The following PSTPIP2 variants were observed in gnomAD, a reference collection of about 807,000 sequenced individuals.
PSTPIP2 encodes the protein proline-serine-threonine phosphatase interacting protein 2, also known as proline-serine-threonine phosphatase-interacting protein 2.
A neutral mutation model predicts 63.3 loss-of-function variants in PSTPIP2; 33 were observed. The ratio of observed to expected loss-of-function variants is 0.52; its 90% confidence interval spans 0.40 to 0.70. The LOEUF (loss-of-function observed/expected upper bound fraction) is 0.70. Among genes scored for constraint, PSTPIP2 ranks in the 30% least tolerant of loss-of-function variants. PSTPIP2 has a pLI of 0.00. For synonymous variants in PSTPIP2, 125 were observed against 132.7 expected, an observed-to-expected ratio of 0.94 and a Z score of 0.40; for missense variants, 312 against 400.7, an observed-to-expected ratio of 0.78 and a Z score of 1.89.
chr18:46,058,156 T>G (rs915483879), intron 1 of PSTPIP2, among the ~76,000 whole-genome samples: 3 of 152,056 alleles, frequency 2.0e-5, no homozygotes, highest in Non-Finnish European at 4.4e-5. Flanking sequence ...CTTCAACATC[T>G]CATGTAGACA....
At chr18:46,000,714 G>A (rs902983546) in intron 6 of PSTPIP2, among the ~76,000 whole-genome samples, 5 of 152,208 alleles carry the variant, frequency 3.3e-5, no homozygotes, top group African/African-American at 4.8e-5. Context: ...TAGTTTAAAC[G>A]TAGGCCATGG....
chr18:46,069,777 C>T (rs1050638729), intron 1 of PSTPIP2, among the ~76,000 whole-genome samples: 2 of 152,222 alleles, frequency 1.3e-5, no homozygotes, highest in Non-Finnish European at 2.9e-5. Flanking sequence ...CCTGTGATAG[C>T]TCTTTCCTGG....
chr18:46,031,349 A>T (rs955921852), intron 2 of PSTPIP2, among the ~76,000 whole-genome samples: 13 of 152,164 alleles, frequency 8.5e-5, no homozygotes, highest in Non-Finnish European at 1.8e-4. Flanking sequence ...CTCTGAGACC[A>T]TGCAAGTGAT....
chr18:46,029,594 CA>C lies in PSTPIP2; in HGVS notation c.135-4909del, dbSNP rs1294714391. ...TGTCTCGAAGGAACAAACCCAAAGC[CA>C]ATGAAAGCTATAATGAACTTGGTTA... On this transcript the variant is annotated intron_variant, in intron 2 of 14. Coordinates refer to ENST00000409746, the MANE Select transcript of PSTPIP2 (RefSeq NM_024430.4). 3 of 773,186 alleles carry C rather than the reference CA, an allele frequency of 3.9e-6. No homozygotes were observed. The East Asian group carries it at 7.3e-5, about 19-fold the overall frequency. 47.9% of individuals were successfully genotyped at this position (773,186 alleles called of 1,614,324 possible).
In PSTPIP2 at chr18:46,071,298, G is replaced by A. The variant is rs537379264; in HGVS notation, c.33+858C>T. 7.2e-5 allele frequency among the ~76,000 whole-genome samples: 11 copies of A among 152,302 alleles called. No homozygotes were observed. The South Asian group carries it at 2.1e-3, about 29-fold the overall frequency. On this transcript the variant is annotated intron_variant, in intron 1 of 14. Transcript: ENST00000409746. ...CTTGGCAGCTGCGGTCAACTTTGAG[G>A]TTTGCAGCCTCCTGCTCCTGTCTTA...
At chr18:46,047,886 A>G (rs1599740072) in intron 1 of PSTPIP2, among the ~76,000 whole-genome samples, 1 of 152,214 alleles carries the variant, frequency 6.6e-6, no homozygotes, top group Admixed American at 6.5e-5. Flanking sequence ...TGGTTTCAAA[A>G]TATTTCCCCT....
At chr18:45,988,583 C>A (rs2051491338) in intron 14 of PSTPIP2, 119 bp downstream of exon 14, 2 of 836,270 alleles carry the variant, frequency 2.4e-6, no homozygotes, top group Non-Finnish European at 3.9e-6. Context: ...GGCCAGTGTA[C>A]CTGCCTCATG....
At position 46,068,549 on chromosome 18, in the gene PSTPIP2, C is replaced by T. The variant is rs569559164; in HGVS notation, c.33+3607G>A. On this transcript the variant is annotated intron_variant, in intron 1 of 14. Transcript: ENST00000409746. ...TCCTGACCTCGTGATCCACCCGTCT[C>T]AGCCTCCCAAAGTGCTGGGATTACA... 3.6e-3 allele frequency among the ~76,000 whole-genome samples: 551 copies of T among 151,826 alleles called. 7 individuals carry two copies. Among genetic ancestry groups the T allele is most frequent in the East Asian group, 0.028 (140 of 4,996 alleles).
intron 2 of PSTPIP2, among the ~76,000 whole-genome samples, chr18:46,033,740 C>G (rs949284819): frequency 1.4e-5 from 2 of 147,844 alleles, no homozygotes; most frequent in Non-Finnish European, 3.0e-5. Flanking sequence ...CACAGGGGAA[C>G]AACACCACAG....
intron 3 of PSTPIP2, among the ~76,000 whole-genome samples, chr18:46,024,295 G>C (rs1465224764): frequency 6.6e-6 from 1 of 151,922 alleles, no homozygotes; most frequent in Non-Finnish European, 1.5e-5. Context: ...GGGCCACCAT[G>C]CCTGGCTAAT....
intron 1 of PSTPIP2, among the ~76,000 whole-genome samples, chr18:46,068,559 A>C (rs1909275988): frequency 6.6e-6 from 1 of 151,344 alleles, no homozygotes; most frequent in Non-Finnish European, 1.5e-5. Flanking sequence ...CAGCCTCCCA[A>C]AGTGCTGGGA....
At chr18:46,003,596 T>C (rs967690724) in intron 6 of PSTPIP2, among the ~76,000 whole-genome samples, 25 of 152,116 alleles carry the variant, frequency 1.6e-4, no homozygotes, top group Middle Eastern at 6.8e-3. Flanking sequence ...ATTTTTTTAA[T>C]TTTTGGTCTA....
At chr18:46,014,153 G>T (rs1264144642) in intron 4 of PSTPIP2, among the ~76,000 whole-genome samples, 3 of 152,056 alleles carry the variant, frequency 2.0e-5, no homozygotes, top group Non-Finnish European at 4.4e-5. Flanking sequence ...CTCTGGAGTA[G>T]CTGGGACTAC....
At chr18:46,049,983 T>C (rs904078178) in intron 1 of PSTPIP2, among the ~76,000 whole-genome samples, 2 of 152,086 alleles carry the variant, frequency 1.3e-5, no homozygotes, top group African/African-American at 4.8e-5. Context: ...AATTTTTAAA[T>C]AAGAGAATCA....
chr18:46,011,151 G>A (rs765915826), intron 5 of PSTPIP2, 30 bp downstream of exon 5: 9 of 1,562,532 alleles, frequency 5.8e-6, no homozygotes, highest in Non-Finnish European at 7.9e-6. Context: ...AGGAGGAAAG[G>A]AAACACCTTA....
intron 2 of PSTPIP2, among the ~76,000 whole-genome samples, chr18:46,035,313 G>A (rs753159494): frequency 4.2e-4 from 64 of 151,854 alleles, no homozygotes; most frequent in Middle Eastern, 3.4e-3. Flanking sequence ...CCAGCTACTC[G>A]GGAGGCTTAG....
At chr18:46,027,271 G>A (rs950713733) in intron 2 of PSTPIP2, among the ~76,000 whole-genome samples, 1 of 149,560 alleles carries the variant, frequency 6.7e-6, no homozygotes, top group African/African-American at 2.5e-5. Flanking sequence ...CTCCAGCCTG[G>A]GCGACAAGAG....
Position 46,011,298 on chromosome 18 carries a change from G to T in PSTPIP2, c.248-11C>A. Reference sequence around the variant, plus strand: ...CCACATTGTCTACTTCTGCAAAAAAGAATTAAAAAAAAAATCAAGGTCTAC... The same window carrying T: ...CCACATTGTCTACTTCTGCAAAAAATAATTAAAAAAAAAATCAAGGTCTAC... On this transcript the variant is annotated splice_polypyrimidine_tract_variant and intron_variant, in intron 4 of 14. Coordinates refer to ENST00000409746, the MANE Select transcript of PSTPIP2 (RefSeq NM_024430.4). 6.3e-7 allele frequency: 1 copy of T among 1,582,230 alleles called. No individual in the cohort carries two copies. The highest frequency in any genetic ancestry group is 8.6e-7 in the Non-Finnish European group (1 of 1,160,234).
intron 4 of PSTPIP2, 58 bp downstream of exon 4, chr18:46,015,845 A>G (rs2051847162): frequency 6.5e-7 from 1 of 1,548,884 alleles, no homozygotes. Context: ...ACCTTTGACG[A>G]CAGACACAGG....
Sources: allele counts gnomAD v4.1 joint callset (sites outside exome capture counted in the v4.1 genomes callset), GRCh38; gene constraint gnomAD v4.1.1; transcripts MANE v1.5; gene names NCBI Gene and HGNC (gene_info 2026-07-23, HGNC 2026-07-21).